The following PTPRG variants were observed in gnomAD, a reference collection of about 807,000 sequenced individuals.
PTPRG encodes the protein protein tyrosine phosphatase receptor type G, also known as receptor-type tyrosine-protein phosphatase gamma.
In PTPRG, 102 loss-of-function variants were observed where a neutral mutation model predicts 165.3. The observed-to-expected ratio is 0.62, with a 90% confidence interval of 0.53 to 0.73. The LOEUF is 0.73. PTPRG is among the 30% of genes least tolerant of loss of function. PTPRG has a pLI of 0.00. For synonymous variants in PTPRG, 675 were observed against 669.5 expected, an observed-to-expected ratio of 1.01 and a Z score of -0.13; for missense variants, 1,866 against 1,861.4, an observed-to-expected ratio of 1.00 and a Z score of -0.05.
intron 5 of PTPRG, among the ~76,000 whole-genome samples, chr3:62,100,901 T>G (rs1702269612): frequency 6.6e-6 from 1 of 152,198 alleles, no homozygotes; most frequent in Non-Finnish European, 1.5e-5. Context: ...GAACCACGCT[T>G]CTTTTGTTCT....
At chr3:62,257,345 A>G (rs1287051914) in intron 16 of PTPRG, among the ~76,000 whole-genome samples, 1 of 150,376 alleles carries the variant, frequency 6.6e-6, no homozygotes, top group Non-Finnish European at 1.5e-5. Flanking sequence ...AAGAAAGGAC[A>G]GAAAAAGATT....
At chr3:61,740,281 T>G (rs1176680713) in intron 1 of PTPRG, among the ~76,000 whole-genome samples, 3 of 152,174 alleles carry the variant, frequency 2.0e-5, no homozygotes, top group Non-Finnish European at 4.4e-5. Flanking sequence ...GAAAGAGTAG[T>G]CATTTTATTT....
intron 4 of PTPRG, among the ~76,000 whole-genome samples, chr3:62,025,526 A>T (rs1398936645): frequency 6.6e-6 from 1 of 152,066 alleles, no homozygotes; most frequent in Non-Finnish European, 1.5e-5. Context: ...CTTGATTAGG[A>T]TCTCAAAGGG....
At chr3:62,030,093 G>C (rs1699714090) in intron 4 of PTPRG, among the ~76,000 whole-genome samples, 1 of 152,046 alleles carries the variant, frequency 6.6e-6, no homozygotes, top group Non-Finnish European at 1.5e-5. Context: ...AATTGCATGA[G>C]GCTTTTAGTG....
intron 6 of PTPRG, among the ~76,000 whole-genome samples, chr3:62,141,604 A>G (rs1703928642): frequency 1.3e-5 from 2 of 152,010 alleles, no homozygotes; most frequent in Non-Finnish European, 2.9e-5. Flanking sequence ...GTCTTAACAA[A>G]AAAGAAGACA....
chr3:61,639,319 C>G (rs1307366780), intron 1 of PTPRG, among the ~76,000 whole-genome samples: 1 of 152,134 alleles, frequency 6.6e-6, no homozygotes, highest in South Asian at 2.1e-4. Flanking sequence ...AGCCTTATAG[C>G]ATAGTTTAAA....
At chr3:61,704,475 A>G (rs1406574692) in intron 1 of PTPRG, among the ~76,000 whole-genome samples, 1 of 151,944 alleles carries the variant, frequency 6.6e-6, no homozygotes, top group Non-Finnish European at 1.5e-5. Context: ...AACAAATACA[A>G]ATTTGTGTCA....
At chr3:62,275,364 A>G (rs573536064) in intron 23 of PTPRG, among the ~76,000 whole-genome samples, 4 of 152,192 alleles carry the variant, frequency 2.6e-5, no homozygotes, top group African/African-American at 7.2e-5. Flanking sequence ...AGGATCACAG[A>G]AAAAAATTCA....
In PTPRG at chr3:62,211,876, C is replaced by T. The variant is rs1428601691; in HGVS notation, c.2156-6975C>T. The stretch of plus-strand genomic sequence containing the variant: ...TGTACTCCGTTTTTATTTGCTTCTA[C>T]TGGGATGAGAGCCAAGCCAGTAAAA... On this transcript the variant is annotated intron_variant, in intron 12 of 29. Transcript: ENST00000474889. Among the ~76,000 whole-genome samples the T allele has an allele frequency of 4.6e-5, 7 of 152,002 alleles. No homozygotes were observed. The East Asian group carries it at 1.3e-3, about 29-fold the overall frequency.
chr3:61,834,723 G>T (rs775004339), intron 2 of PTPRG, among the ~76,000 whole-genome samples: 10 of 152,192 alleles, frequency 6.6e-5, no homozygotes, highest in Admixed American at 5.9e-4. Flanking sequence ...TGAGGCAGGA[G>T]AATTGCTTTA....
intron 2 of PTPRG, among the ~76,000 whole-genome samples, chr3:61,967,654 A>T (rs1044806314): frequency 1.3e-5 from 2 of 152,210 alleles, no homozygotes; most frequent in Non-Finnish European, 2.9e-5. Flanking sequence ...AATGAGTGAC[A>T]TTCTTCCAAA....
At chr3:62,204,658 C>A (rs1029341438) in intron 12 of PTPRG, among the ~76,000 whole-genome samples, 1 of 152,194 alleles carries the variant, frequency 6.6e-6, no homozygotes, top group Admixed American at 6.5e-5. Context: ...TCATGGAAAC[C>A]TACAGAATGA....
chr3:62,042,011 TTACCCAGGATTA>T (rs1700144682), intron 4 of PTPRG, among the ~76,000 whole-genome samples: 1 of 152,166 alleles, frequency 6.6e-6, no homozygotes, highest in Non-Finnish European at 1.5e-5. Context: ...AGGCTTTAGT[TTACCCAGGATTA>T]TACCCAGGGA....
intron 17 of PTPRG, 98 bp from the exon 18 acceptor site, chr3:62,267,312 G>A (rs1369887123): frequency 4.5e-6 from 4 of 898,698 alleles, no homozygotes; most frequent in Non-Finnish European, 7.0e-6. Context: ...TACCTTGGGA[G>A]ATGTCATGTT....
chr3:62,166,385 G>A (rs929642859), intron 7 of PTPRG, among the ~76,000 whole-genome samples: 6 of 151,040 alleles, frequency 4.0e-5, no homozygotes, highest in African/African-American at 1.5e-4. Flanking sequence ...CACCCAGGCT[G>A]GAGTGCAGTG....
Position 62,269,127 on chromosome 3 carries a change from C to T in PTPRG, c.2967C>T (p.Tyr989=), listed in dbSNP as rs747814396. The part of the protein sequence containing the change: ...TLKSTKIHAC[Y]TVRRFSIRNT... Reference sequence around the variant, plus strand: ...AGAGCACAAAAATACATGCCTGCTACACTGTTCGTCGTTTTTCAATCAGAA... The same window carrying T: ...AGAGCACAAAAATACATGCCTGCTATACTGTTCGTCGTTTTTCAATCAGAA... The change falls in exon 20 of 30, where the codon TAC becomes TAT. Residue 989 remains tyrosine, a synonymous_variant. Coordinates refer to ENST00000474889, the MANE Select transcript of PTPRG (RefSeq NM_002841.4). 5.0e-6 allele frequency: 8 copies of T among 1,601,140 alleles called. No individual in the cohort carries two copies. The highest frequency in any genetic ancestry group is 6.8e-6 in the Non-Finnish European group (8 of 1,170,706).
In PTPRG at chr3:62,271,622, C is replaced by T; in HGVS notation, c.3182+67C>T. 6 of 1,418,906 alleles carry T rather than the reference C, an allele frequency of 4.2e-6. No homozygotes were observed. The highest frequency in any genetic ancestry group is 5.8e-6 in the Non-Finnish European group (6 of 1,038,620). 87.9% of individuals were successfully genotyped at this position (1,418,906 alleles called of 1,614,324 possible). Reference sequence around the variant, plus strand: ...GACTTAGGCCTCAGTGACCTTGGACCACAATGATTGCTACTGCTTTCACTT... The same window carrying T: ...GACTTAGGCCTCAGTGACCTTGGACTACAATGATTGCTACTGCTTTCACTT... On this transcript the variant is annotated intron_variant, in intron 21 of 29. Transcript: ENST00000474889. The surrounding 1 kb of genome is among the most constrained non-coding windows in gnomAD (Gnocchi z 4.1).
At chr3:62,012,046 T>C (rs1349597323) in intron 4 of PTPRG, among the ~76,000 whole-genome samples, 1 of 152,184 alleles carries the variant, frequency 6.6e-6, no homozygotes, top group Non-Finnish European at 1.5e-5. Flanking sequence ...CTTAGGGTAG[T>C]GGCGGTTGTG....
At chr3:61,686,819 C>T (rs1378939120) in intron 1 of PTPRG, among the ~76,000 whole-genome samples, 5 of 152,058 alleles carry the variant, frequency 3.3e-5, no homozygotes, top group Non-Finnish European at 4.4e-5. Flanking sequence ...AAAAGCAGGG[C>T]GTACAACGGT....
Sources: gnomAD v4.1 joint callset for allele counts (sites outside exome capture counted in the v4.1 genomes callset) on GRCh38, gnomAD v4.1.1 for gene constraint, Gnocchi (gnomAD v3.1) non-coding constraint, MANE v1.5 for transcripts, NCBI Gene and HGNC (gene_info 2026-07-23, HGNC 2026-07-21) for gene names.